NIPSNAP2: variants seen among roughly 807,000 people sequenced by gnomAD.
NIPSNAP2 encodes nipsnap homolog 2.
NIPSNAP2 carries 42 observed loss-of-function variants against 48.4 expected under a neutral mutation model. The observed-to-expected ratio is 0.87, with a 90% CI of 0.68 to 1.12. The LOEUF is 1.12. Ranked by LOEUF, NIPSNAP2 falls within the 50% of genes most tolerant of loss-of-function variation. The probability of loss-of-function intolerance (pLI) is 0.00; values close to 1 mark genes in which losing one functional copy is unlikely to be tolerated. For synonymous variants in NIPSNAP2, 158 were observed against 126.6 expected, an observed-to-expected ratio of 1.25 and a Z score of -1.67; for missense variants, 314 against 347.3, an observed-to-expected ratio of 0.90 and a Z score of 0.76.
At chr7:55,975,152 A>G (rs919655720) in intron 1 of NIPSNAP2, among the ~76,000 whole-genome samples, 13 of 152,150 alleles carry the variant, frequency 8.5e-5, no homozygotes, top group African/African-American at 3.1e-4. Flanking sequence ...CAGGAGTTCA[A>G]GGCCAGCCTG....
intron 9 of NIPSNAP2, 132 bp from the exon 10 acceptor site, chr7:55,998,876 C>A: frequency 1.3e-6 from 1 of 779,542 alleles, no homozygotes; most frequent in Non-Finnish European, 2.3e-6. Context: ...TGAGGTTAGT[C>A]CTGTATATTA....
chr7:55,966,059 G>C (rs1562759580), intron 1 of NIPSNAP2, among the ~76,000 whole-genome samples: 1 of 152,150 alleles, frequency 6.6e-6, no homozygotes, highest in East Asian at 1.9e-4. Flanking sequence ...TGAATAAGGC[G>C]TCCAAGGCCA....
intron 7 of NIPSNAP2, among the ~76,000 whole-genome samples, chr7:55,990,377 A>C (rs771681335): frequency 6.6e-6 from 1 of 151,692 alleles, no homozygotes; most frequent in Non-Finnish European, 1.5e-5. Context: ...TACAGGCACC[A>C]GCCATCACAC....
In NIPSNAP2 at chr7:55,998,998, T is replaced by G; in HGVS notation, c.797-10T>G. ...AGTAACAAGTGCAGTAACCCTGATC[T>G]TGTTTTCAGTTCCACTTATTCAGGA... On this transcript the variant is annotated splice_polypyrimidine_tract_variant and intron_variant, in intron 9 of 9. Coordinates refer to ENST00000322090, the MANE Select transcript of NIPSNAP2 (RefSeq NM_001483.3). The G allele has an allele frequency of 6.2e-7, 1 of 1,612,868 alleles. No individual in the cohort carries two copies. The highest frequency in any genetic ancestry group is 8.5e-7 in the Non-Finnish European group (1 of 1,178,882).
intron 3 of NIPSNAP2, 23 bp from the exon 4 acceptor site, chr7:55,981,450 T>C (rs1484191444): frequency 1.3e-6 from 2 of 1,582,904 alleles, no homozygotes; most frequent in East Asian, 2.2e-5. Flanking sequence ...GTTTAATTAG[T>C]GTTGCTGTTT....
At chr7:55,976,351 C>G (rs1787107611) in intron 1 of NIPSNAP2, among the ~76,000 whole-genome samples, 1 of 152,160 alleles carries the variant, frequency 6.6e-6, no homozygotes, top group South Asian at 2.1e-4. Context: ...AATGGCTATT[C>G]AAATGGCCTA....
chr7:55,989,729 A>G (rs1195076577), intron 7 of NIPSNAP2, among the ~76,000 whole-genome samples: 1 of 152,204 alleles, frequency 6.6e-6, no homozygotes, highest in Admixed American at 6.5e-5. Context: ...CACTAGTGAC[A>G]TTTAGGGTTC....
chr7:55,994,961 C>A lies in NIPSNAP2; in HGVS notation c.685C>A (p.Gln229Lys). Reference sequence around the variant, plus strand: ...CGGAGGATTCTTCTCTCAGATTGGGCAGCTGTACATGGTGCACCATCTTTG... The same window carrying A: ...CGGAGGATTCTTCTCTCAGATTGGGAAGCTGTACATGGTGCACCATCTTTG... ...AVGGFFSQIG[Q>K]LYMVHHLWAY... is the part of the protein sequence containing the mutation. Residue 229 changes from glutamine to lysine, a missense_variant, in exon 8 of 10, where the codon CAG becomes AAG. Transcript: ENST00000322090. 1 of 1,614,086 alleles carries A rather than the reference C, an allele frequency of 6.2e-7. No homozygotes were observed. The highest frequency in any genetic ancestry group is 8.5e-7 in the Non-Finnish European group (1 of 1,179,960).
chr7:55,978,816 T>C, intron 3 of NIPSNAP2: 1 of 162,842 alleles, frequency 6.1e-6, no homozygotes, highest in Non-Finnish European at 1.3e-5. Context: ...AACTGCCCTG[T>C]GAGAGTCCTG....
chr7:55,982,486 C>A (rs1412222954), intron 5 of NIPSNAP2, among the ~76,000 whole-genome samples: 1 of 152,252 alleles, frequency 6.6e-6, no homozygotes, highest in East Asian at 1.9e-4. Context: ...CGGTGGCTCA[C>A]GCCTGTAATC....
intron 1 of NIPSNAP2, 58 bp downstream of exon 1, chr7:55,964,759 G>C: frequency 2.2e-6 from 2 of 929,100 alleles, no homozygotes; most frequent in Non-Finnish European, 2.7e-6. Flanking sequence ...GAGGCGGAGG[G>C]CGCGGGTTTC....
chr7:55,968,478 C>T (rs984650209), intron 1 of NIPSNAP2, among the ~76,000 whole-genome samples: 6 of 151,736 alleles, frequency 4.0e-5, no homozygotes, highest in African/African-American at 7.3e-5. Flanking sequence ...CTCTGCCTCC[C>T]GGGTTCAAGT....
chr7:55,998,248 CA>C lies in NIPSNAP2; in HGVS notation c.797-748del, dbSNP rs879897370. The stretch of plus-strand genomic sequence containing the variant: ...TGGGTGACAGAGCAAGAATCCGTCT[CA>C]AAAAAAAAAAAGTGTATCTCAGCCC... On this transcript the variant is annotated intron_variant, in intron 9 of 9. Transcript: ENST00000322090. Among the ~76,000 whole-genome samples the C allele has an allele frequency of 8.2e-4, 105 of 127,720 alleles. 1 individual carries two copies. The highest frequency in any genetic ancestry group is 6.9e-4 in the African/African-American group (24 of 34,642). The allele number at this position is 127,720 out of a possible 152,430, so 83.8% of individuals were successfully genotyped here. A position where few individuals can be genotyped will look rare whatever the true frequency, so the allele number is the denominator to read the frequency against.
At chr7:55,991,590 T>C (rs1003627549) in intron 7 of NIPSNAP2, among the ~76,000 whole-genome samples, 6 of 151,462 alleles carry the variant, frequency 4.0e-5, no homozygotes, top group African/African-American at 9.7e-5. Context: ...GTACTAAAAA[T>C]AACAAAAATT....
chr7:55,969,365 G>GTGC (rs35622923), intron 1 of NIPSNAP2, among the ~76,000 whole-genome samples: 12,359 of 152,084 alleles, frequency 0.081, 677 homozygotes, highest in East Asian at 0.24. Flanking sequence ...CCAAATGCTG[G>GTGC]TGCTGTTTGC....
At chr7:55,971,976 C>T (rs1031234893) in intron 1 of NIPSNAP2, among the ~76,000 whole-genome samples, 4 of 151,994 alleles carry the variant, frequency 2.6e-5, no homozygotes, top group African/African-American at 9.7e-5. Context: ...AAATTGTAGA[C>T]ACAATTTCTG....
intron 3 of NIPSNAP2, chr7:55,979,540 C>T (rs1034720970): frequency 3.0e-6 from 1 of 331,962 alleles, no homozygotes; most frequent in Non-Finnish European, 6.0e-6. Context: ...CTTCATCGGA[C>T]ATGTATTTTG....
intron 7 of NIPSNAP2, chr7:55,991,761 A>T (rs77198370): frequency 0.068 from 10,139 of 149,858 alleles, 444 homozygotes; most frequent in African/African-American, 0.14. Flanking sequence ...AAAAAAAAAA[A>T]AAAAATATAT....
intron 7 of NIPSNAP2, among the ~76,000 whole-genome samples, chr7:55,993,533 C>G (rs562432673): frequency 6.8e-6 from 1 of 148,072 alleles, no homozygotes; most frequent in Non-Finnish European, 1.5e-5. Context: ...GAGCCAAGAT[C>G]GTACCATTGC....
Sources: allele counts gnomAD v4.1 joint callset (sites outside exome capture counted in the v4.1 genomes callset), GRCh38; gene constraint gnomAD v4.1.1; transcripts MANE v1.5; gene names NCBI Gene and HGNC (gene_info 2026-07-23, HGNC 2026-07-21).